TTC28: variants seen among roughly 807,000 people sequenced by gnomAD.
TTC28 encodes the protein tetratricopeptide repeat protein 28.
Under a neutral mutation model 198.0 loss-of-function variants are expected in TTC28, and 61 were observed. The observed-to-expected ratio is 0.31, with a 90% CI of 0.25 to 0.38. TTC28 has a LOEUF of 0.38. Ranked by LOEUF, TTC28 falls within the 10% of genes least tolerant of loss-of-function variation. The pLI is 1.00. For missense variants in TTC28, 2,678 were observed against 3,164.0 expected (o/e 0.85, Z 3.69); for synonymous variants, 1,171 against 1,297.8 (o/e 0.90, Z 2.10).
chr22:28,177,979 C>G (rs1216269710), intron 5 of TTC28, among the ~76,000 whole-genome samples: 4 of 151,360 alleles, frequency 2.6e-5, no homozygotes, highest in African/African-American at 9.7e-5. Context: ...AGAGTGAACC[C>G]TAATGTAAAT....
chr22:28,349,938 T>C (rs1234872717), intron 2 of TTC28, among the ~76,000 whole-genome samples: 2 of 152,304 alleles, frequency 1.3e-5, no homozygotes, highest in East Asian at 1.9e-4. Context: ...ATTAACCCAA[T>C]GTTACACTAC....
intron 5 of TTC28, among the ~76,000 whole-genome samples, chr22:28,293,550 T>C (rs1471989491): frequency 6.6e-6 from 1 of 152,092 alleles, no homozygotes. Flanking sequence ...AGAGCTCTAA[T>C]GTATACCAGA....
At chr22:28,077,540 C>T (rs1941208283) in intron 12 of TTC28, among the ~76,000 whole-genome samples, 1 of 152,190 alleles carries the variant, frequency 6.6e-6, no homozygotes, top group African/African-American at 2.4e-5. Context: ...TAAAAGATAG[C>T]TTATGGACTG....
chr22:28,678,685 G>C (rs1300158282), intron 1 of TTC28, among the ~76,000 whole-genome samples: 2 of 152,120 alleles, frequency 1.3e-5, no homozygotes, highest in Non-Finnish European at 2.9e-5. Flanking sequence ...AATGTCTCAA[G>C]AACTCCTATG....
intron 5 of TTC28, among the ~76,000 whole-genome samples, chr22:28,193,805 C>G (rs901534538): frequency 6.6e-6 from 1 of 152,138 alleles, no homozygotes; most frequent in Non-Finnish European, 1.5e-5. Context: ...TAGAGACCTA[C>G]CAAGAGACTT....
chr22:28,539,001 A>G (rs1411202264), intron 2 of TTC28, among the ~76,000 whole-genome samples: 2 of 152,130 alleles, frequency 1.3e-5, no homozygotes, highest in Non-Finnish European at 2.9e-5. Context: ...ATTCACCCCA[A>G]TATATTATGG....
intron 2 of TTC28, among the ~76,000 whole-genome samples, chr22:28,387,413 C>G (rs1022169818): frequency 1.3e-5 from 2 of 152,186 alleles, no homozygotes; most frequent in African/African-American, 4.8e-5. Flanking sequence ...CCTGAGGAAT[C>G]GCCACACTGA....
At chr22:28,200,946 T>C (rs1279141261) in intron 5 of TTC28, among the ~76,000 whole-genome samples, 1 of 152,234 alleles carries the variant, frequency 6.6e-6, no homozygotes, top group Non-Finnish European at 1.5e-5. Context: ...CACTTACATT[T>C]CTTGGGAAAT....
chr22:28,130,232 T>C (rs1231391204), intron 6 of TTC28, among the ~76,000 whole-genome samples: 1 of 152,130 alleles, frequency 6.6e-6, no homozygotes, highest in African/African-American at 2.4e-5. Context: ...AATGAACACA[T>C]ACCTAAATCA....
chr22:28,670,332 CCCT>C (rs1466936847), intron 1 of TTC28, among the ~76,000 whole-genome samples: 1 of 152,094 alleles, frequency 6.6e-6, no homozygotes, highest in Non-Finnish European at 1.5e-5. Context: ...AGCAGTCATT[CCCT>C]CCTCCTCCCC....
chr22:28,444,439 CT>C (rs1397354522), intron 2 of TTC28, among the ~76,000 whole-genome samples: 2 of 152,118 alleles, frequency 1.3e-5, no homozygotes, highest in African/African-American at 4.8e-5. Context: ...AAAGGGACTG[CT>C]TTTGAGTTCT....
chr22:28,438,167 C>T (rs1026464209), intron 2 of TTC28, among the ~76,000 whole-genome samples: 1 of 152,074 alleles, frequency 6.6e-6, no homozygotes, highest in Non-Finnish European at 1.5e-5. Flanking sequence ...TAAATTGTGG[C>T]CCAAAATGAA....
rs1923904796 is a variant in TTC28 at position 28,183,532 on chromosome 22, C to T, written c.934-19933G>A. ...CTATCAGGCCATTTCCCTGTCACCT[C>T]AAATCAAGTCCTCATTGTCTTTGCC... On this transcript the variant is annotated intron_variant, in intron 5 of 22. Coordinates refer to ENST00000397906, the MANE Select transcript of TTC28 (RefSeq NM_001145418.2). 2.6e-5 allele frequency among the ~76,000 whole-genome samples: 4 copies of T among 152,260 alleles called. No individual in the cohort carries two copies. In the South Asian group the frequency reaches 6.2e-4, roughly 24 times the overall value.
At chr22:28,322,450 G>T (rs2045462716) in intron 2 of TTC28, among the ~76,000 whole-genome samples, 1 of 152,092 alleles carries the variant, frequency 6.6e-6, no homozygotes, top group Admixed American at 6.5e-5. Flanking sequence ...CTTCCTCAAT[G>T]ACTCAGGGAG....
intron 5 of TTC28, among the ~76,000 whole-genome samples, chr22:28,277,656 C>T (rs988692111): frequency 6.6e-6 from 1 of 152,080 alleles, no homozygotes; most frequent in Non-Finnish European, 1.5e-5. Context: ...AATCATATTC[C>T]AAGTAGCTAG....
rs145791799 is a variant in TTC28, at chr22:28,499,718, G to C, written c.381+129834C>G. The stretch of plus-strand genomic sequence containing the variant: ...TATGAAGATAGCATACATGAATTAA[G>C]ATAGCATAGACTGCAGGTCTAAATT... On this transcript the variant is annotated intron_variant, in intron 2 of 22. Transcript: ENST00000397906. Among the ~76,000 whole-genome samples, 882 of 152,256 alleles carry C rather than the reference G, an allele frequency of 5.8e-3. 10 individuals carry two copies. Among genetic ancestry groups the C allele is most frequent in the African/African-American group, 0.021 (856 of 41,542 alleles).
intron 2 of TTC28, among the ~76,000 whole-genome samples, chr22:28,470,649 G>A (rs1054229506): frequency 2.6e-5 from 4 of 152,072 alleles, no homozygotes; most frequent in Non-Finnish European, 4.4e-5. Flanking sequence ...AACTGAATCA[G>A]CATGCGTTTT....
At chr22:28,028,938 C>T in intron 13 of TTC28, 1 of 469,096 alleles carries the variant, frequency 2.1e-6, no homozygotes. Context: ...TAGTGTCCTA[C>T]AGCTTGTGAG....
chr22:28,233,718 A>C (rs1191042528), intron 5 of TTC28, among the ~76,000 whole-genome samples: 7 of 152,136 alleles, frequency 4.6e-5, no homozygotes, highest in African/African-American at 1.7e-4. Context: ...ACAATGGAAG[A>C]ATTTACCAAA....
Sources: gnomAD v4.1 joint callset for allele counts (sites outside exome capture counted in the v4.1 genomes callset) on GRCh38, gnomAD v4.1.1 for gene constraint, MANE v1.5 for transcripts, NCBI Gene and HGNC (gene_info 2026-07-23, HGNC 2026-07-21) for gene names.